Variants in EIF3J observed in about 807,000 individuals in gnomAD.
EIF3J encodes the protein eukaryotic translation initiation factor 3 subunit J.
Under a neutral mutation model 39.0 loss-of-function variants are expected in EIF3J, and 15 were observed. The observed-to-expected ratio is 0.38, with a 90% CI of 0.26 to 0.59. EIF3J has a LOEUF of 0.59. Among genes scored for constraint, EIF3J ranks in the 20% least tolerant of loss-of-function variants. The probability of loss-of-function intolerance (pLI) is 0.60; values close to 1 mark genes in which losing one functional copy is unlikely to be tolerated. For synonymous variants in EIF3J, 98 were observed against 112.9 expected, an observed-to-expected ratio of 0.87 and a Z score of 0.84; for missense variants, 226 against 308.6, an observed-to-expected ratio of 0.73 and a Z score of 2.00.
chr15:44,542,563 T>C (rs949205901), intron 2 of EIF3J, among the ~76,000 whole-genome samples: 8 of 152,230 alleles, frequency 5.3e-5, no homozygotes, highest in Admixed American at 2.6e-4. Flanking sequence ...TGTAGTTTTA[T>C]ATTATGAAGA....
Position 44,537,219 on chromosome 15 carries a change from G to T in EIF3J, c.25G>T (p.Gly9Trp). The change falls in exon 1 of 8, where the codon GGG (glycine) becomes TGG (tryptophan). Residue 9 changes from glycine to tryptophan, a missense_variant. Coordinates refer to ENST00000261868, the MANE Select transcript of EIF3J (RefSeq NM_003758.4). MAAAAAAA[G>W]DSDSWDADAF... ...GATGGCGGCGGCGGCGGCGGCGGCG[G>T]GGGACTCGGACTCCTGGGGTGAGGA... is the stretch of plus-strand genomic sequence containing the variant. 1.9e-6 allele frequency: 3 copies of T among 1,601,928 alleles called. No homozygotes were observed. The highest frequency in any genetic ancestry group is 2.6e-6 in the Non-Finnish European group (3 of 1,174,858).
At chr15:44,551,006 A>G in intron 3 of EIF3J, 76 bp downstream of exon 3, 2 of 1,524,026 alleles carry the variant, frequency 1.3e-6, no homozygotes, top group South Asian at 1.3e-5. Context: ...GACAAATGAC[A>G]GAACGCTCAC....
intron 5 of EIF3J, among the ~76,000 whole-genome samples, chr15:44,555,073 C>T (rs2082133311): frequency 1.3e-5 from 2 of 152,196 alleles, no homozygotes. Context: ...GCAGCTTTTG[C>T]TGTGCCTTCT....
At chr15:44,541,094 C>T (rs1257883422) in intron 2 of EIF3J, among the ~76,000 whole-genome samples, 2 of 152,122 alleles carry the variant, frequency 1.3e-5, no homozygotes, top group Non-Finnish European at 2.9e-5. Flanking sequence ...GATGAGAACT[C>T]GGGAGCATAG....
chr15:44,557,920 A>AT, intron 6 of EIF3J: 1 of 217,514 alleles, frequency 4.6e-6, no homozygotes, highest in Non-Finnish European at 9.0e-6. Flanking sequence ...AGCTAATAAA[A>AT]CACTGGCCTA....
intron 4 of EIF3J, 23 bp from the exon 5 acceptor site, chr15:44,554,530 T>TA: frequency 6.5e-7 from 1 of 1,539,542 alleles, no homozygotes; most frequent in Non-Finnish European, 8.9e-7. Context: ...CTGTGCTTTT[T>TA]AAAAACTTTT....
At chr15:44,552,322 A>T (rs2082106288) in intron 4 of EIF3J, among the ~76,000 whole-genome samples, 1 of 152,008 alleles carries the variant, frequency 6.6e-6, no homozygotes, top group South Asian at 2.1e-4. Flanking sequence ...ATTTTGGCTC[A>T]CTGCAGCCTC....
In EIF3J at chr15:44,557,612, G is replaced by A. The variant is rs1232419521; in HGVS notation, c.533G>A (p.Ser178Asn). The change falls in exon 6 of 8, where the codon AGT (serine) becomes AAT (asparagine). Residue 178 changes from serine (S) to asparagine (N), a missense_variant. Physicochemically the swap from Ser to Asn is conservative, Grantham distance 46. Coordinates refer to ENST00000261868, the MANE Select transcript of EIF3J (RefSeq NM_003758.4). ...TQYEKSLYYA[S>N]FLEVLVRDVC... ...TATGAAAAGTCACTATATTATGCCA[G>A]TTTTTTGGAAGTCTTAGTTCGAGAT... 4 of 1,527,750 alleles carry A rather than the reference G, an allele frequency of 2.6e-6. No individual in the cohort carries two copies. In the South Asian group the frequency reaches 5.4e-5, roughly 20 times the overall value. The allele number at this position is 1,527,750 out of a possible 1,614,324, so 94.6% of individuals were successfully genotyped here.
At chr15:44,559,960 A>G (rs957563304) in intron 6 of EIF3J, among the ~76,000 whole-genome samples, 1 of 152,170 alleles carries the variant, frequency 6.6e-6, no homozygotes, top group Non-Finnish European at 1.5e-5. Flanking sequence ...TGTGTTGCCC[A>G]AGCTGGTCTC....
intron 2 of EIF3J, among the ~76,000 whole-genome samples, chr15:44,540,699 C>G (rs948181143): frequency 1.3e-5 from 2 of 152,214 alleles, no homozygotes; most frequent in South Asian, 4.1e-4. Flanking sequence ...CCTCAGCCTC[C>G]TAAAATGCTG....
intron 5 of EIF3J, among the ~76,000 whole-genome samples, chr15:44,557,146 AC>A (rs2082151279): frequency 6.6e-6 from 1 of 152,178 alleles, no homozygotes; most frequent in Non-Finnish European, 1.5e-5. Flanking sequence ...TTATGACTGA[AC>A]AATATTAATA....
chr15:44,561,188 C>T lies in EIF3J; in HGVS notation c.*39C>T. ...CTTGGTGTCATCTTTATGTTGCCCACAATCCCTTGAACATGTAGCACAACT... is the reference window on the plus strand; with the variant it reads ...CTTGGTGTCATCTTTATGTTGCCCATAATCCCTTGAACATGTAGCACAACT... On this transcript the variant is annotated 3_prime_UTR_variant, in exon 8 of 8. Coordinates refer to ENST00000261868, the MANE Select transcript of EIF3J (RefSeq NM_003758.4). 4 of 1,592,038 alleles carry T rather than the reference C, an allele frequency of 2.5e-6. No homozygotes were observed. Among genetic ancestry groups the T allele is most frequent in the Non-Finnish European group, 1.7e-6 (2 of 1,171,540 alleles).
intron 5 of EIF3J, 94 bp downstream of exon 5, chr15:44,554,761 TA>T: frequency 1.4e-6 from 1 of 694,508 alleles, no homozygotes; most frequent in African/African-American, 1.8e-5. Context: ...AAAAGAAACA[TA>T]CTGGCTAATG....
At chr15:44,550,774 A>C in intron 2 of EIF3J, 102 bp from the exon 3 acceptor site, 1 of 856,494 alleles carries the variant, frequency 1.2e-6, no homozygotes, top group Non-Finnish European at 1.9e-6. Flanking sequence ...GCAGTACAAA[A>C]AAATACCAAC....
chr15:44,557,316 C>T (rs1025759774), intron 5 of EIF3J, among the ~76,000 whole-genome samples, 173 bp from the exon 6 acceptor site: 5 of 151,132 alleles, frequency 3.3e-5, no homozygotes, highest in Admixed American at 2.6e-4. Context: ...AGTTTGTAAC[C>T]CCCCTCCCCC....
At chr15:44,549,219 C>T (rs1386268496) in intron 2 of EIF3J, among the ~76,000 whole-genome samples, 3 of 151,386 alleles carry the variant, frequency 2.0e-5, no homozygotes, top group Non-Finnish European at 4.4e-5. Flanking sequence ...CATGGACAAA[C>T]CCCATCTCTA....
At chr15:44,551,645 T>C in intron 4 of EIF3J, 123 bp downstream of exon 4, 1 of 688,018 alleles carries the variant, frequency 1.5e-6, no homozygotes, top group African/African-American at 1.8e-5. Flanking sequence ...TACCATAAGA[T>C]AGGTAAAATC....
chr15:44,553,770 C>T (rs74930944), intron 4 of EIF3J, among the ~76,000 whole-genome samples: 1 of 152,144 alleles, frequency 6.6e-6, no homozygotes, highest in East Asian at 1.9e-4. Flanking sequence ...TATTTGTGTG[C>T]ATCTTATTTC....
chr15:44,545,838 C>T (rs1379545339), intron 2 of EIF3J, among the ~76,000 whole-genome samples: 2 of 152,158 alleles, frequency 1.3e-5, no homozygotes, highest in Non-Finnish European at 2.9e-5. Flanking sequence ...GAACTTTGGT[C>T]CATTCAGAGC....
Sources: gnomAD v4.1 joint callset for allele counts (sites outside exome capture counted in the v4.1 genomes callset) on GRCh38, gnomAD v4.1.1 for gene constraint, MANE v1.5 for transcripts, NCBI Gene and HGNC (gene_info 2026-07-23, HGNC 2026-07-21) for gene names.